GLYATL3: variants seen among roughly 807,000 people sequenced by gnomAD.
GLYATL3 encodes glycine-N-acyltransferase like 3, also known as glycine N-acyltransferase-like protein 3.
A neutral mutation model predicts 28.5 loss-of-function variants in GLYATL3; 31 were observed. That is an observed-to-expected ratio of 1.09 (90% confidence interval 0.82 to 1.47). The LOEUF (loss-of-function observed/expected upper bound fraction) is 1.47, where lower values mean the gene tolerates loss of function less well. Among genes scored for constraint, GLYATL3 ranks in the 40% most tolerant of loss-of-function variants. The probability of loss-of-function intolerance (pLI) is 0.00; values close to 1 mark genes in which losing one functional copy is unlikely to be tolerated. For missense variants in GLYATL3, 369 were observed against 351.5 expected (o/e 1.05, Z -0.40); for synonymous variants, 141 against 140.2 (o/e 1.01, Z -0.04).
At chr6:49,519,443 A>G (rs1769276986) in intron 4 of GLYATL3, among the ~76,000 whole-genome samples, 1 of 152,202 alleles carries the variant, frequency 6.6e-6, no homozygotes, top group African/African-American at 2.4e-5. Flanking sequence ...TATTTTGACT[A>G]CAGACTTCTG....
In GLYATL3 at chr6:49,515,798, G is replaced by T; in HGVS notation, c.186+38G>T. The T allele has an allele frequency of 3.4e-6, 4 of 1,192,774 alleles. No individual in the cohort carries two copies. In the South Asian group the frequency reaches 5.2e-5, roughly 16 times the overall value. 73.9% of individuals were successfully genotyped at this position (1,192,774 alleles called of 1,614,324 possible). On this transcript the variant is annotated intron_variant, in intron 3 of 5. Transcript: ENST00000371197. ...AAGGTAAAAAGTTTAAAAATAATAA[G>T]AATTGGAAAGAAAAAGTAGGTAATG... is the stretch of plus-strand genomic sequence containing the variant.
At chr6:49,520,499 A>G (rs1769294858) in intron 4 of GLYATL3, among the ~76,000 whole-genome samples, 2 of 152,222 alleles carry the variant, frequency 1.3e-5, no homozygotes, top group African/African-American at 4.8e-5. Flanking sequence ...CTCCGATACC[A>G]CACTGTGTTC....
Position 49,526,501 on chromosome 6 carries a change from C to G in GLYATL3, c.454C>G (p.Pro152Ala). Residue 152 changes from proline to alanine, a missense_variant, in exon 6 of 6, where the codon CCA (proline) becomes GCA (alanine). Pro to Ala is a conservative substitution (Grantham distance 27). Transcript: ENST00000371197. ...ATTCTGGTCTAGCAAGGGGCCTTCC[C>G]CACGACTAACCTACCTGAGTGTTGC... is the stretch of plus-strand genomic sequence containing the variant. ...PDTSFLKGPS[P>A]RLTYLSVANA... 1 of 1,551,348 alleles carries G rather than the reference C, an allele frequency of 6.4e-7. No homozygotes were observed. The highest frequency in any genetic ancestry group is 8.7e-7 in the Non-Finnish European group (1 of 1,146,738).
chr6:49,501,658 T>C (rs183594098), intron 1 of GLYATL3, among the ~76,000 whole-genome samples: 1 of 152,300 alleles, frequency 6.6e-6, no homozygotes, highest in Admixed American at 6.5e-5. Context: ...AGGATATTAA[T>C]CAGCAGTAAC....
rs998850849 is a variant in GLYATL3, at chr6:49,528,052, G to C, written c.*1138G>C. 1.3e-5 allele frequency among the ~76,000 whole-genome samples: 2 copies of C among 152,134 alleles called. No individual in the cohort carries two copies. Among genetic ancestry groups the C allele is most frequent in the African/African-American group, 2.4e-5 (1 of 41,522 alleles). On this transcript the variant is annotated 3_prime_UTR_variant, in exon 6 of 6. Coordinates refer to ENST00000371197, the MANE Select transcript of GLYATL3 (RefSeq NM_001010904.2). Reference sequence around the variant, plus strand: ...CCTTTTTTATAATGAAAATTAAAATGCTTACATAATTAAAATATTAATTTT... The same window carrying C: ...CCTTTTTTATAATGAAAATTAAAATCCTTACATAATTAAAATATTAATTTT...
At chr6:49,510,049 T>TA (rs200522772) in intron 1 of GLYATL3, among the ~76,000 whole-genome samples, 3 of 150,298 alleles carry the variant, frequency 2.0e-5, no homozygotes, top group African/African-American at 7.3e-5. Flanking sequence ...TTTATTTATT[T>TA]TTTTGACGGA....
chr6:49,516,905 G>T lies in GLYATL3; in HGVS notation c.187-525G>T, dbSNP rs1769225787. 2.0e-5 allele frequency among the ~76,000 whole-genome samples: 3 copies of T among 151,402 alleles called. No individual in the cohort carries two copies. In the South Asian group the frequency reaches 6.3e-4, roughly 32 times the overall value. ...GAGCGCGGTGGCTCATGCCTGTAAT[G>T]CCAACACTTTGGGAGGCCTAGGCGG... is the stretch of plus-strand genomic sequence containing the variant. On this transcript the variant is annotated intron_variant, in intron 3 of 5. Transcript: ENST00000371197.
chr6:49,517,416 G>T lies in GLYATL3; in HGVS notation c.187-14G>T. 1 of 1,496,920 alleles carries T rather than the reference G, an allele frequency of 6.7e-7. No homozygotes were observed. The allele number at this position is 1,496,920 out of a possible 1,614,324, so 92.7% of individuals were successfully genotyped here. ...AATACGTTTATGTTTTTGTGATTATGTCTTCTGTCCTAGGCTGAGACAGAT... is the reference window on the plus strand; with the variant it reads ...AATACGTTTATGTTTTTGTGATTATTTCTTCTGTCCTAGGCTGAGACAGAT... On this transcript the variant is annotated splice_polypyrimidine_tract_variant and intron_variant, in intron 3 of 5. Coordinates refer to ENST00000371197, the MANE Select transcript of GLYATL3 (RefSeq NM_001010904.2).
At chr6:49,513,818 G>C (rs1368348718) in intron 2 of GLYATL3, among the ~76,000 whole-genome samples, 1 of 152,186 alleles carries the variant, frequency 6.6e-6, no homozygotes, top group African/African-American at 2.4e-5. Context: ...GATTACAATA[G>C]TGATAAAGTC....
Position 49,517,556 on chromosome 6 carries a change from G to T in GLYATL3, c.313G>T (p.Gly105Trp), listed in dbSNP as rs1213475965. 3 of 1,549,364 alleles carry T rather than the reference G, an allele frequency of 1.9e-6. No homozygotes were observed. Among genetic ancestry groups the T allele is most frequent in the African/African-American group, 2.7e-5 (2 of 72,938 alleles). Residue 105 changes from glycine (G) to tryptophan (W), a missense_variant and splice_region_variant, in exon 4 of 6, where the codon GGG (glycine) becomes TGG (tryptophan). Transcript: ENST00000371197. Reference protein sequence around the residue: ...FNWDQVFQIQGLQSELYDVSK... With the variant: ...FNWDQVFQIQWLQSELYDVSK... ...CTGGGACCAAGTTTTTCAAATACAA[G>T]GTGAGGTCAAGTGCAAGACTTATAT...
chr6:49,524,364 T>C (rs1769366479), intron 5 of GLYATL3, among the ~76,000 whole-genome samples: 1 of 152,160 alleles, frequency 6.6e-6, no homozygotes, highest in African/African-American at 2.4e-5. Flanking sequence ...ATTTTTACTT[T>C]ATAAAAATGA....
rs772479351 is a variant in GLYATL3 at position 49,527,719 on chromosome 6, A to G, written c.*805A>G. Reference sequence around the variant, plus strand: ...ATAACCTATTTCAGCCCCCTTATTTATAGTCTACTTTCCCATATAAAACTA... The same window carrying G: ...ATAACCTATTTCAGCCCCCTTATTTGTAGTCTACTTTCCCATATAAAACTA... On this transcript the variant is annotated 3_prime_UTR_variant, in exon 6 of 6. Coordinates refer to ENST00000371197, the MANE Select transcript of GLYATL3 (RefSeq NM_001010904.2). Among the ~76,000 whole-genome samples, 3 of 152,180 alleles carry G rather than the reference A, an allele frequency of 2.0e-5. No homozygotes were observed. The highest frequency in any genetic ancestry group is 4.4e-5 in the Non-Finnish European group (3 of 68,042).
chr6:49,523,544 C>T (rs927406316), intron 5 of GLYATL3, among the ~76,000 whole-genome samples: 9 of 152,158 alleles, frequency 5.9e-5, no homozygotes, highest in Non-Finnish European at 1.3e-4. Flanking sequence ...GAAATGGTAG[C>T]CCCCCTCCAG....
chr6:49,517,379 GATT>G (rs1769234995), intron 3 of GLYATL3, 48 bp from the exon 4 acceptor site: 2 of 1,447,776 alleles, frequency 1.4e-6, no homozygotes, highest in Non-Finnish European at 1.8e-6. Flanking sequence ...CTAAGATTTG[GATT>G]ATCCAGATAA....
At chr6:49,502,862 C>A (rs1768938904) in intron 1 of GLYATL3, among the ~76,000 whole-genome samples, 1 of 152,082 alleles carries the variant, frequency 6.6e-6, no homozygotes, top group Non-Finnish European at 1.5e-5. Flanking sequence ...ATTCCCAAGG[C>A]CTATGTAAGG....
At chr6:49,503,952 C>T (rs1292731081) in intron 1 of GLYATL3, among the ~76,000 whole-genome samples, 1 of 152,174 alleles carries the variant, frequency 6.6e-6, no homozygotes, top group Non-Finnish European at 1.5e-5. Flanking sequence ...GGACAACGAT[C>T]GTCTACAGAA....
At chr6:49,519,775 T>G (rs1305479986) in intron 4 of GLYATL3, among the ~76,000 whole-genome samples, 2 of 152,204 alleles carry the variant, frequency 1.3e-5, no homozygotes, top group African/African-American at 4.8e-5. Flanking sequence ...ATGAACAATA[T>G]TAAATCATGT....
In GLYATL3 at chr6:49,526,997, G is replaced by T; in HGVS notation, c.*83G>T. 1.0e-6 allele frequency: 1 copy of T among 989,160 alleles called. No homozygotes were observed. The highest frequency in any genetic ancestry group is 1.4e-6 in the Non-Finnish European group (1 of 689,668). The allele number at this position is 989,160 out of a possible 1,614,324, so 61.3% of individuals were successfully genotyped here. A position where few individuals can be genotyped will look rare whatever the true frequency, so the allele number is the denominator to read the frequency against. ...CTGCCAACGAGGGGAGAGTTAAAAT[G>T]GGAATCAGGGGACTCTTGAGTTGTT... On this transcript the variant is annotated 3_prime_UTR_variant, in exon 6 of 6. Coordinates refer to ENST00000371197, the MANE Select transcript of GLYATL3 (RefSeq NM_001010904.2).
At chr6:49,518,385 C>T (rs1435876221) in intron 4 of GLYATL3, among the ~76,000 whole-genome samples, 1 of 152,208 alleles carries the variant, frequency 6.6e-6, no homozygotes, top group Non-Finnish European at 1.5e-5. Flanking sequence ...CGTCAGTGTA[C>T]ACTTACTCTT....
Sources: allele counts gnomAD v4.1 joint callset (sites outside exome capture counted in the v4.1 genomes callset), GRCh38; gene constraint gnomAD v4.1.1; transcripts MANE v1.5; gene names NCBI Gene and HGNC (gene_info 2026-07-23, HGNC 2026-07-21).